Variants in FGF14 observed in about 807,000 individuals in gnomAD.
The protein encoded by FGF14 is fibroblast growth factor homologous factor 4.
In FGF14, 5 loss-of-function variants were observed where a neutral mutation model predicts 25.5. The ratio of observed to expected loss-of-function variants is 0.20; its 90% CI spans 0.10 to 0.41. The LOEUF is 0.41. Ranked by LOEUF, FGF14 falls within the 10% of genes least tolerant of loss-of-function variation. The probability of loss-of-function intolerance (pLI) is 1.00; values close to 1 mark genes in which losing one functional copy is unlikely to be tolerated. For synonymous variants in FGF14, 138 were observed against 118.3 expected (o/e 1.17, Z -1.08); for missense variants, 222 against 320.1 (o/e 0.69, Z 2.34).
chr13:102,000,716 T>G (rs1172044878), intron 1 of FGF14, among the ~76,000 whole-genome samples: 1 of 152,208 alleles, frequency 6.6e-6, no homozygotes, highest in Non-Finnish European at 1.5e-5. Context: ...TGACTCCCAT[T>G]ATCACTGTGT....
chr13:101,863,994 T>C (rs891536904), intron 3 of FGF14, among the ~76,000 whole-genome samples: 3 of 152,074 alleles, frequency 2.0e-5, no homozygotes, highest in African/African-American at 7.2e-5. Flanking sequence ...AGAGGCTCAT[T>C]TGAAAATGCT....
At chr13:102,086,984 G>A (rs2043935908) in intron 1 of FGF14, among the ~76,000 whole-genome samples, 1 of 152,316 alleles carries the variant, frequency 6.6e-6, no homozygotes, top group South Asian at 2.1e-4. Context: ...TGATCTTTCT[G>A]TATTACCTGG....
chr13:102,350,652 T>C (rs1448631630), intron 1 of FGF14, among the ~76,000 whole-genome samples: 3 of 152,170 alleles, frequency 2.0e-5, no homozygotes, highest in East Asian at 1.9e-4. Context: ...AGCCTTTGTA[T>C]AGAACACAGG....
intron 1 of FGF14, chr13:102,354,369 CT>C (rs978935001): frequency 3.9e-5 from 6 of 152,210 alleles, no homozygotes; most frequent in African/African-American, 1.4e-4. Context: ...CCTCTACCCC[CT>C]CTCTCACATG....
intron 1 of FGF14, among the ~76,000 whole-genome samples, chr13:101,943,430 C>T (rs1011001652): frequency 2.0e-5 from 3 of 152,132 alleles, no homozygotes; most frequent in Non-Finnish European, 4.4e-5. Flanking sequence ...TTTTTGTTGT[C>T]ACAAGGGGGA....
At chr13:101,945,146 C>G (rs2139346760) in intron 1 of FGF14, among the ~76,000 whole-genome samples, 1 of 152,102 alleles carries the variant, frequency 6.6e-6, no homozygotes, top group East Asian at 1.9e-4. Flanking sequence ...TGGAGAAACC[C>G]CATCTCTACT....
Position 102,338,144 on chromosome 13 carries a change from T to A in FGF14, c.208+63327A>T, listed in dbSNP as rs552835256. On this transcript the variant is annotated intron_variant, in intron 1 of 4. Transcript: ENST00000376131. ...TGACATATGCATACAAGGGAATATT[T>A]TGAAAGTCTCCATAAGGAACATTTA... is the stretch of plus-strand genomic sequence containing the variant. Among the ~76,000 whole-genome samples the A allele has an allele frequency of 4.9e-4, 74 of 152,328 alleles. 4 individuals carry two copies. The South Asian group carries it at 0.015, about 31-fold the overall frequency.
intron 1 of FGF14, among the ~76,000 whole-genome samples, chr13:101,894,057 A>G (rs2030225786): frequency 2.0e-5 from 3 of 151,294 alleles, no homozygotes; most frequent in Admixed American, 1.3e-4. Flanking sequence ...TCTTGCAGAG[A>G]TATGGAAAGA....
Position 102,161,570 on chromosome 13 carries a change from A to AAGAAAAGAAGAAG in FGF14, c.208+239900_208+239901insCTTCTTCTTTTCT. Among the ~76,000 whole-genome samples, 2 of 5,652 alleles carry AAGAAAAGAAGAAG rather than the reference A, an allele frequency of 3.5e-4. 1 individual carries two copies. 3.7% of individuals were successfully genotyped at this position (5,652 alleles called of 152,430 possible). A position where few individuals can be genotyped will look rare whatever the true frequency, so the allele number is the denominator to read the frequency against. On this transcript the variant is annotated intron_variant, in intron 1 of 4. Transcript: ENST00000376131. ...TCTATGCAACCAACTTTCTGTGAAG[A>AAGAAAAGAAGAAG]AAGAAAGAAGAAGAAGAAGAAGAAG... is the stretch of plus-strand genomic sequence containing the variant.
intron 1 of FGF14, among the ~76,000 whole-genome samples, chr13:102,109,438 A>C (rs573073007): frequency 6.6e-6 from 1 of 152,238 alleles, no homozygotes; most frequent in Non-Finnish European, 1.5e-5. Flanking sequence ...ACAAAACACT[A>C]TGTGAGTTAA....
chr13:102,129,422 G>A (rs1356471403), intron 1 of FGF14, among the ~76,000 whole-genome samples: 1 of 152,116 alleles, frequency 6.6e-6, no homozygotes, highest in East Asian at 1.9e-4. Flanking sequence ...CAGAGTGGAC[G>A]AGCGTTGAAC....
rs1404600364 is a variant in FGF14, at chr13:101,722,673, A to C, written c.*158T>G. The C allele has an allele frequency of 3.1e-6, 3 of 958,866 alleles. No homozygotes were observed. Among genetic ancestry groups the C allele is most frequent in the East Asian group, 5.3e-5 (2 of 38,030 alleles). The allele number at this position is 958,866 out of a possible 1,614,324, so 59.4% of individuals were successfully genotyped here. On this transcript the variant is annotated 3_prime_UTR_variant, in exon 5 of 5. Transcript: ENST00000376143. ...TTGTTGTGGGGGGTGCAACAGGTTG[A>C]GATTTATCCACTTGCAACAGAGAAG...
At chr13:102,037,201 C>T (rs1392070343) in intron 1 of FGF14, among the ~76,000 whole-genome samples, 1 of 152,000 alleles carries the variant, frequency 6.6e-6, no homozygotes, top group East Asian at 1.9e-4. Context: ...TTTTCTGTTG[C>T]TGCTGTATCA....
At chr13:101,724,675 G>T (rs1479476339) in intron 4 of FGF14, among the ~76,000 whole-genome samples, 3 of 6,126 alleles carry the variant, frequency 4.9e-4, no homozygotes, top group Non-Finnish European at 1.4e-3. Flanking sequence ...AATTAACCAG[G>T]TACTTAATTT....
intron 1 of FGF14, among the ~76,000 whole-genome samples, chr13:101,980,153 G>C (rs1220832388): frequency 2.0e-5 from 3 of 152,274 alleles, no homozygotes; most frequent in Admixed American, 6.5e-5. Flanking sequence ...AAAACACCCT[G>C]TTATTTCATA....
chr13:102,068,398 C>T (rs531817170), intron 1 of FGF14, among the ~76,000 whole-genome samples: 25 of 152,356 alleles, frequency 1.6e-4, no homozygotes, highest in African/African-American at 6.0e-4. Flanking sequence ...TTCAGCCCAC[C>T]GCTGCACTGT....
At chr13:102,339,925 T>C (rs1464752524) in intron 1 of FGF14, among the ~76,000 whole-genome samples, 1 of 152,192 alleles carries the variant, frequency 6.6e-6, no homozygotes, top group Non-Finnish European at 1.5e-5. Flanking sequence ...ACAATTCATT[T>C]TCCATTTTCC....
chr13:102,269,687 G>A (rs1190028173), intron 1 of FGF14, among the ~76,000 whole-genome samples: 1 of 152,060 alleles, frequency 6.6e-6, no homozygotes, highest in African/African-American at 2.4e-5. Context: ...ATCACACCCA[G>A]CTCCACCCTG....
chr13:101,968,434 G>A (rs912021283), intron 1 of FGF14, among the ~76,000 whole-genome samples: 1 of 152,082 alleles, frequency 6.6e-6, no homozygotes, highest in Non-Finnish European at 1.5e-5. Flanking sequence ...AGCACTTTGG[G>A]AGACCGAGGC....
Sources: allele counts gnomAD v4.1 joint callset (sites outside exome capture counted in the v4.1 genomes callset), GRCh38; gene constraint gnomAD v4.1.1; transcripts MANE v1.5; gene names NCBI Gene and HGNC (gene_info 2026-07-23, HGNC 2026-07-21).